The following FBXO31 variants were observed in gnomAD, a reference collection of about 807,000 sequenced individuals.
The protein encoded by FBXO31 is F-box protein 31.
FBXO31 carries 24 observed loss-of-function variants against 54.4 expected under a neutral mutation model. The ratio of observed to expected loss-of-function variants is 0.44; its 90% CI spans 0.32 to 0.62. The LOEUF (loss-of-function observed/expected upper bound fraction) is 0.62, where lower values mean the gene tolerates loss of function less well. FBXO31 is among the 20% of genes least tolerant of loss of function. FBXO31 has a pLI of 0.05. For synonymous variants in FBXO31, 388 were observed against 335.6 expected (o/e 1.16, Z -1.71); for missense variants, 665 against 787.1 (o/e 0.84, Z 1.86).
intron 3 of FBXO31, 94 bp downstream of exon 3, chr16:87,347,080 G>C (rs1303074276): frequency 4.3e-5 from 49 of 1,136,200 alleles, no homozygotes; most frequent in Non-Finnish European, 6.3e-5. Context: ...ATCTGGGCCA[G>C]CTTGTACCCA....
At chr16:87,356,156 G>C (rs1467894864) in intron 2 of FBXO31, among the ~76,000 whole-genome samples, 1 of 151,302 alleles carries the variant, frequency 6.6e-6, no homozygotes, top group Admixed American at 6.6e-5. Flanking sequence ...TTGAACCCGG[G>C]AGGCAGAGGC....
chr16:87,387,651 C>CA (rs1278242078), upstream of FBXO31, among the ~76,000 whole-genome samples: 2 of 152,114 alleles, frequency 1.3e-5, no homozygotes, highest in Non-Finnish European at 2.9e-5. Context: ...ACTAAAAGTA[C>CA]AAAAAATTAG....
At chr16:87,390,777 G>A (rs1338612344), upstream of FBXO31, among the ~76,000 whole-genome samples, 4 of 151,710 alleles carry the variant, frequency 2.6e-5, no homozygotes, top group Non-Finnish European at 5.9e-5. Flanking sequence ...CTTCTTTTTT[G>A]TGGAGGACGG....
intron 1 of FBXO31, among the ~76,000 whole-genome samples, chr16:87,371,947 G>A (rs1469602309): frequency 6.6e-6 from 1 of 152,030 alleles, no homozygotes. Flanking sequence ...GTTTGGGCTG[G>A]GTGCAGTGGC....
intron 1 of FBXO31, among the ~76,000 whole-genome samples, chr16:87,363,353 C>T (rs1906217754): frequency 6.6e-6 from 1 of 152,142 alleles, no homozygotes; most frequent in African/African-American, 2.4e-5. Flanking sequence ...CACTGCACTA[C>T]AGCCTGGGCA....
intron 4 of FBXO31, among the ~76,000 whole-genome samples, chr16:87,343,369 C>T (rs991257875): frequency 1.3e-5 from 2 of 152,260 alleles, no homozygotes; most frequent in African/African-American, 4.8e-5. Context: ...AAAGAAACAG[C>T]GGCTCTAACT....
intron 7 of FBXO31, among the ~76,000 whole-genome samples, chr16:87,334,688 T>C (rs777001860): frequency 5.9e-5 from 9 of 152,206 alleles, no homozygotes; most frequent in Non-Finnish European, 1.3e-4. Context: ...AATGCCCCAT[T>C]ATGCCAGATG....
At chr16:87,356,102 G>A (rs956769926) in intron 2 of FBXO31, among the ~76,000 whole-genome samples, 2 of 151,876 alleles carry the variant, frequency 1.3e-5, no homozygotes, top group Non-Finnish European at 2.9e-5. Context: ...GGTGGCAGGC[G>A]CCTGGAGTCC....
chr16:87,386,715 C>T (rs898775339), upstream of FBXO31, among the ~76,000 whole-genome samples: 1 of 152,046 alleles, frequency 6.6e-6, no homozygotes, highest in Non-Finnish European at 1.5e-5. Flanking sequence ...ATTACAGGCA[C>T]GAGCCACTGC....
intron 1 of FBXO31, among the ~76,000 whole-genome samples, chr16:87,371,607 G>C (rs752820696): frequency 1.3e-5 from 2 of 152,264 alleles, no homozygotes; most frequent in African/African-American, 4.8e-5. Flanking sequence ...GACCCAGAAA[G>C]GGGAGAGACA....
At chr16:87,361,591 TCG>T (rs1906135196) in intron 1 of FBXO31, among the ~76,000 whole-genome samples, 1 of 152,250 alleles carries the variant, frequency 6.6e-6, no homozygotes, top group Non-Finnish European at 1.5e-5. Context: ...TACAGGAACG[TCG>T]ATACGATGCG....
chr16:87,340,098 C>G (rs1469059182), intron 5 of FBXO31, among the ~76,000 whole-genome samples: 2 of 152,158 alleles, frequency 1.3e-5, no homozygotes. Context: ...ACCTGGCCAA[C>G]ATGGGGAAAA....
chr16:87,340,655 T>C (rs1905162948), intron 5 of FBXO31, among the ~76,000 whole-genome samples: 1 of 152,074 alleles, frequency 6.6e-6, no homozygotes, highest in Non-Finnish European at 1.5e-5. Flanking sequence ...ATACATCTGC[T>C]TATGTAAAAA....
At chr16:87,386,545 G>C (rs1355797971), upstream of FBXO31, among the ~76,000 whole-genome samples, 4 of 152,210 alleles carry the variant, frequency 2.6e-5, no homozygotes, top group Non-Finnish European at 1.5e-5. Context: ...CTATTGTCCT[G>C]CCTCAGCCTC....
At chr16:87,372,884 G>A (rs1007628871) in intron 1 of FBXO31, among the ~76,000 whole-genome samples, 9 of 151,736 alleles carry the variant, frequency 5.9e-5, no homozygotes, top group African/African-American at 9.7e-5. Flanking sequence ...CTACAGGCAC[G>A]CCACCACACC....
At chr16:87,332,141 G>T in intron 8 of FBXO31, among the ~76,000 whole-genome samples, 1 of 152,240 alleles carries the variant, frequency 6.6e-6, no homozygotes, top group South Asian at 2.1e-4. Flanking sequence ...AAGGCCGGGG[G>T]AAAGAACAGC....
intron 5 of FBXO31, among the ~76,000 whole-genome samples, chr16:87,339,361 G>T (rs919791307): frequency 6.6e-6 from 1 of 152,170 alleles, no homozygotes; most frequent in South Asian, 2.1e-4. Context: ...GCTGATGCAT[G>T]AATCCACAGA....
Position 87,336,225 on chromosome 16 carries a change from G to C in FBXO31, c.772C>G (p.Leu258Val). ...TWLREEWGRTLEDIFHEHMQE... is the reference protein window; with the variant it reads ...TWLREEWGRTVEDIFHEHMQE... ...ATGTGCTCGTGGAAGATGTCCTCCA[G>C]CGTGCGCCCCCATTCCTCCCTCAGC... Residue 258 changes from leucine to valine, a missense_variant, in exon 6 of 9, where the codon CTG (leucine) becomes GTG (valine). Physicochemically the swap from Leu to Val is conservative, Grantham distance 32 (BLOSUM62 1). Coordinates refer to ENST00000311635, the MANE Select transcript of FBXO31 (RefSeq NM_024735.5). This position sits in a 1 kb window ranked among gnomAD's most constrained non-coding sequence, Gnocchi z 6.5. 6.2e-7 allele frequency: 1 copy of C among 1,614,212 alleles called. No homozygotes were observed. Among genetic ancestry groups the C allele is most frequent in the Middle Eastern group, 1.6e-4 (1 of 6,062 alleles).
At chr16:87,337,271 C>A (rs574092122) in intron 5 of FBXO31, among the ~76,000 whole-genome samples, 8 of 152,356 alleles carry the variant, frequency 5.3e-5, no homozygotes, top group African/African-American at 1.9e-4. Flanking sequence ...CCACTAACCA[C>A]CGCTGAAAGG....
Sources: allele counts gnomAD v4.1 joint callset (sites outside exome capture counted in the v4.1 genomes callset), GRCh38; gene constraint gnomAD v4.1.1; non-coding constraint Gnocchi (gnomAD v3.1); transcripts MANE v1.5; gene names NCBI Gene and HGNC (gene_info 2026-07-23, HGNC 2026-07-21).